ABHD15: variants seen among roughly 807,000 people sequenced by gnomAD.
ABHD15 encodes the protein protein ABHD15.
In ABHD15, 34 loss-of-function variants were observed where a neutral mutation model predicts 34.4. That is an observed-to-expected ratio of 0.99 (90% confidence interval 0.75 to 1.32). The LOEUF is 1.32. Among genes scored for constraint, ABHD15 ranks in the 40% most tolerant of loss-of-function variants. ABHD15 has a pLI of 0.00. For missense variants in ABHD15, 644 were observed against 650.4 expected (o/e 0.99, Z 0.11); for synonymous variants, 314 against 299.2 (o/e 1.05, Z -0.51).
chr17:29,562,965 A>AG lies in ABHD15; in HGVS notation c.1002dup (p.Tyr335LeufsTer13), dbSNP rs1555571187. On this transcript the variant is annotated frameshift_variant, in exon 2 of 2. Coordinates refer to ENST00000307201, the MANE Select transcript of ABHD15 (RefSeq NM_198147.3). LOFTEE classifies it high-confidence loss of function. ...CGGAGCGGGTCGTTGCGGTCCCAGT[A>AG]GGTATCCCAGCTGATGGGGAAGCTT... The AG allele has an allele frequency of 1.2e-6, 2 of 1,614,020 alleles. No homozygotes were observed. The highest frequency in any genetic ancestry group is 8.5e-7 in the Non-Finnish European group (1 of 1,180,024).
In ABHD15 at chr17:29,562,749, C is replaced by T; in HGVS notation, c.1219G>A (p.Val407Ile). 6.2e-7 allele frequency: 1 copy of T among 1,614,126 alleles called. No homozygotes were observed. Among genetic ancestry groups the T allele is most frequent in the Non-Finnish European group, 8.5e-7 (1 of 1,180,010 alleles). The change falls in exon 2 of 2, where the codon GTC becomes ATC. Residue 407 changes from valine (V) to isoleucine (I), a missense_variant. Transcript: ENST00000307201. ...QEPLPAWSHE[V>I]ILESFRALTE... ...AAGGCCCGGAAGGACTCCAAGATGACCTCATGGCTCCAGGCTGGCAAGGGC... is the reference window on the plus strand; with the variant it reads ...AAGGCCCGGAAGGACTCCAAGATGATCTCATGGCTCCAGGCTGGCAAGGGC...
At chr17:29,563,463 T>G (rs2032660867) in intron 1 of ABHD15, among the ~76,000 whole-genome samples, 1 of 151,914 alleles carries the variant, frequency 6.6e-6, no homozygotes. Flanking sequence ...GGAGGACTGC[T>G]TGAGCCTGGG....
rs1198074038 is a variant in ABHD15, at chr17:29,562,805, T to A, written c.1163A>T (p.His388Leu). The A allele has an allele frequency of 1.9e-6, 3 of 1,613,272 alleles. No individual in the cohort carries two copies. Among genetic ancestry groups the A allele is most frequent in the Non-Finnish European group, 2.5e-6 (3 of 1,179,430 alleles). ...NPYFFLLLSR[H>L]GGHCGFLRQE... is the part of the protein sequence containing the mutation. ...GCGCAGGAAGCCACAGTGGCCTCCG[T>A]GGCGACTGAGCAGGAGGAAGAAGTA... The change falls in exon 2 of 2, where the codon CAC becomes CTC. Residue 388 changes from histidine to leucine, a missense_variant. His to Leu is a moderately conservative substitution (Grantham distance 99, BLOSUM62 -3). Transcript: ENST00000307201.
rs1567757686 is a variant in ABHD15, at chr17:29,566,270, CGA to C, written c.695_696del (p.Phe232CysfsTer86). The C allele has an allele frequency of 6.2e-7, 1 of 1,610,702 alleles. No individual in the cohort carries two copies. Among genetic ancestry groups the C allele is most frequent in the South Asian group, 1.1e-5 (1 of 90,950 alleles). On this transcript the variant is annotated frameshift_variant, in exon 1 of 2. Coordinates refer to ENST00000307201, the MANE Select transcript of ABHD15 (RefSeq NM_198147.3). LOFTEE classifies it high-confidence loss of function. ...IRFRHPAAPL[F>X]AVSEGSGSAL... ...GCCGAGCCCGAGCCTTCGCTCACCG[CGA>C]ACAGCGGCGCCGCCGGGTGTCGGAA...
At position 29,562,001 on chromosome 17, in the gene ABHD15, G is replaced by A. The variant is rs1357208234; in HGVS notation, c.*560C>T. The A allele has an allele frequency of 6.6e-6, 1 of 152,504 alleles. No individual in the cohort carries two copies. 9.4% of individuals were successfully genotyped at this position (152,504 alleles called of 1,614,324 possible). A position where few individuals can be genotyped will look rare whatever the true frequency, so the allele number is the denominator to read the frequency against. On this transcript the variant is annotated 3_prime_UTR_variant, in exon 2 of 2. Coordinates refer to ENST00000307201, the MANE Select transcript of ABHD15 (RefSeq NM_198147.3). The stretch of plus-strand genomic sequence containing the variant: ...TCTCTACCTGCTCAGCCCTCAGCGA[G>A]CCAGCCCCACTGCCTCTGCCGCCCT...
At chr17:29,563,403 AAT>A (rs1310148921) in intron 1 of ABHD15, among the ~76,000 whole-genome samples, 14 of 151,318 alleles carry the variant, frequency 9.3e-5, no homozygotes, top group African/African-American at 3.4e-4. Flanking sequence ...AAAAAAAAAA[AAT>A]TAGCTTGGCA....
chr17:29,562,723 C>T lies in ABHD15; in HGVS notation c.1245G>A (p.Leu415=). 1 of 1,614,202 alleles carries T rather than the reference C, an allele frequency of 6.2e-7. No individual in the cohort carries two copies. Among genetic ancestry groups the T allele is most frequent in the Non-Finnish European group, 8.5e-7 (1 of 1,180,040 alleles). ...HEVILESFRA[L]TEFFRTEERI... The stretch of plus-strand genomic sequence containing the variant: ...TCTCCTCCGTTCGGAAGAACTCAGT[C>T]AAGGCCCGGAAGGACTCCAAGATGA... Residue 415 remains leucine, a synonymous_variant, in exon 2 of 2, where the codon TTG becomes TTA. Coordinates refer to ENST00000307201, the MANE Select transcript of ABHD15 (RefSeq NM_198147.3).
chr17:29,566,438 G>C lies in ABHD15; in HGVS notation c.529C>G (p.Leu177Val), dbSNP rs781182639. Reference protein sequence around the residue: ...WGRLTRNVLGLCLLALERGYY... With the variant: ...WGRLTRNVLGVCLLALERGYY... ...CCGCGCTCCAGGGCGAGCAAGCAAA[G>C]GCCGAGCACGTTGCGGGTGAGGCGA... The change falls in exon 1 of 2, where the codon CTT becomes GTT. Residue 177 changes from leucine (L) to valine (V), a missense_variant. Transcript: ENST00000307201. 6.2e-7 allele frequency: 1 copy of C among 1,612,514 alleles called. No individual in the cohort carries two copies. Among genetic ancestry groups the C allele is most frequent in the Non-Finnish European group, 8.5e-7 (1 of 1,179,800 alleles).
chr17:29,562,494 T>C lies in ABHD15; in HGVS notation c.*67A>G. Reference sequence around the variant, plus strand: ...CCCTCTGTTCAGTCCGCCCCATCTTTCCAGGACTCCCCCTTGCCCAGCTCT... The same window carrying C: ...CCCTCTGTTCAGTCCGCCCCATCTTCCCAGGACTCCCCCTTGCCCAGCTCT... On this transcript the variant is annotated 3_prime_UTR_variant, in exon 2 of 2. Coordinates refer to ENST00000307201, the MANE Select transcript of ABHD15 (RefSeq NM_198147.3). 6.6e-7 allele frequency: 1 copy of C among 1,511,438 alleles called. No homozygotes were observed. Among genetic ancestry groups the C allele is most frequent in the South Asian group, 1.3e-5 (1 of 76,524 alleles). The allele number at this position is 1,511,438 out of a possible 1,614,324, so 93.6% of individuals were successfully genotyped here.
At chr17:29,563,643 C>T (rs1221654769) in intron 1 of ABHD15, among the ~76,000 whole-genome samples, 2 of 152,014 alleles carry the variant, frequency 1.3e-5, no homozygotes, top group African/African-American at 2.4e-5. Flanking sequence ...AGGTGGATCA[C>T]GAGGTCAAGA....
chr17:29,563,219 G>T, intron 1 of ABHD15, 133 bp from the exon 2 acceptor site: 1 of 1,039,186 alleles, frequency 9.6e-7, no homozygotes, highest in Non-Finnish European at 1.4e-6. Flanking sequence ...GCCATTTAGG[G>T]CTTCGAAAAC....
In ABHD15 at chr17:29,566,596, C is replaced by T; in HGVS notation, c.371G>A (p.Arg124Gln). ...ATCGTCCGCCAACTGCAGGTACTCC[C>T]GGGCCAGCTCAGGCCCAGGCGCTAC... is the stretch of plus-strand genomic sequence containing the variant. ...LPVAPGPELA[R>Q]EYLQLADDGL... Residue 124 changes from arginine to glutamine, a missense_variant, in exon 1 of 2, where the codon CGG becomes CAG. Coordinates refer to ENST00000307201, the MANE Select transcript of ABHD15 (RefSeq NM_198147.3). 1 of 1,607,934 alleles carries T rather than the reference C, an allele frequency of 6.2e-7. No individual in the cohort carries two copies. Among genetic ancestry groups the T allele is most frequent in the Non-Finnish European group, 8.5e-7 (1 of 1,178,986 alleles).
chr17:29,566,199 C>A lies in ABHD15; in HGVS notation c.768G>T (p.Val256=). The part of the protein sequence containing the change: ...YLGECGSSSY[V]TGAACISPVL... ...CGGGCGAGATGCAGGCGGCGCCTGTCACGTAGCTGGAGGAGCCGCACTCGC... is the reference window on the plus strand; with the variant it reads ...CGGGCGAGATGCAGGCGGCGCCTGTAACGTAGCTGGAGGAGCCGCACTCGC... The change falls in exon 1 of 2, where the codon GTG becomes GTT. Residue 256 remains valine, a synonymous_variant. Transcript: ENST00000307201. The A allele has an allele frequency of 6.2e-7, 1 of 1,610,134 alleles. No individual in the cohort carries two copies. Among genetic ancestry groups the A allele is most frequent in the South Asian group, 1.1e-5 (1 of 90,920 alleles).
At position 29,566,505 on chromosome 17, in the gene ABHD15, C is replaced by T. The variant is rs775455867; in HGVS notation, c.462G>A (p.Gly154=). The T allele has an allele frequency of 1.2e-6, 2 of 1,611,444 alleles. No individual in the cohort carries two copies. Among genetic ancestry groups the T allele is most frequent in the East Asian group, 2.2e-5 (1 of 44,856 alleles). The change falls in exon 1 of 2, where the codon GGG becomes GGA. Residue 154 remains glycine, a synonymous_variant. Coordinates refer to ENST00000307201, the MANE Select transcript of ABHD15 (RefSeq NM_198147.3). ...CVRGRRITSA[G]GLPAVLLVIP... ...TCACCAGAAGCACCGCAGGAAGGCC[C>T]CCGGCGCTGGTGATCCGGCGGCCCC...
rs2032639386 is a variant in ABHD15 at position 29,562,519 on chromosome 17, T to C, written c.*42A>G. 6.4e-7 allele frequency: 1 copy of C among 1,569,804 alleles called. No homozygotes were observed. The highest frequency in any genetic ancestry group is 8.6e-7 in the Non-Finnish European group (1 of 1,157,380). ...TCCAGGACTCCCCCTTGCCCAGCTC[T>C]GTTTTTCTTTGCAGGACTTGGGGGT... On this transcript the variant is annotated 3_prime_UTR_variant, in exon 2 of 2. Coordinates refer to ENST00000307201, the MANE Select transcript of ABHD15 (RefSeq NM_198147.3).
chr17:29,563,895 TAGA>T (rs2032666746), intron 1 of ABHD15, among the ~76,000 whole-genome samples: 1 of 152,092 alleles, frequency 6.6e-6, no homozygotes, highest in Admixed American at 6.5e-5. Context: ...ATAATAAAAT[TAGA>T]AGATTTCACA....
intron 1 of ABHD15, among the ~76,000 whole-genome samples, chr17:29,565,504 G>T (rs2032689703): frequency 6.6e-6 from 1 of 152,022 alleles, no homozygotes; most frequent in African/African-American, 2.4e-5. Context: ...ATTAAAAAAA[G>T]AAATTTTTGT....
chr17:29,565,729 C>T (rs2032695593), intron 1 of ABHD15, among the ~76,000 whole-genome samples: 1 of 152,218 alleles, frequency 6.6e-6, no homozygotes, highest in Non-Finnish European at 1.5e-5. Context: ...TTCCAGAGTG[C>T]TCTTTGCTGA....
intron 1 of ABHD15, 131 bp downstream of exon 1, chr17:29,565,955 G>A (rs138818953): frequency 0.011 from 13,583 of 1,258,660 alleles, 111 homozygotes; most frequent in Admixed American, 0.02. Context: ...GAAGGCTTTG[G>A]AAGATGTGTT....
Sources: gnomAD v4.1 joint callset for allele counts (sites outside exome capture counted in the v4.1 genomes callset) on GRCh38, gnomAD v4.1.1 for gene constraint, MANE v1.5 for transcripts, NCBI Gene and HGNC (gene_info 2026-07-23, HGNC 2026-07-21) for gene names.